The following ABCA12 variants were observed in gnomAD, a reference collection of about 807,000 sequenced individuals.
The protein encoded by ABCA12 is glucosylceramide transporter ABCA12.
Under a neutral mutation model 293.5 loss-of-function variants are expected in ABCA12, and 156 were observed. The ratio of observed to expected loss-of-function variants is 0.53; its 90% CI spans 0.47 to 0.61. The LOEUF is 0.61. Ranked by LOEUF, ABCA12 falls within the 20% of genes least tolerant of loss-of-function variation. The probability of loss-of-function intolerance (pLI) is 0.00; values close to 1 mark genes in which losing one functional copy is unlikely to be tolerated. For missense variants in ABCA12, 2,797 were observed against 3,090.2 expected (o/e 0.91, Z 2.25); for synonymous variants, 1,063 against 1,108.0 (o/e 0.96, Z 0.81).
At chr2:215,006,663 T>A (rs1358860081) in intron 19 of ABCA12, among the ~76,000 whole-genome samples, 2 of 152,068 alleles carry the variant, frequency 1.3e-5, no homozygotes, top group Admixed American at 6.5e-5. Context: ...CCCAAAAATA[T>A]TTTAGGGCTC....
chr2:215,096,186 T>C (rs1702246910), intron 2 of ABCA12, among the ~76,000 whole-genome samples: 1 of 152,204 alleles, frequency 6.6e-6, no homozygotes, highest in African/African-American at 2.4e-5. Flanking sequence ...TTTTGTGTGA[T>C]ACCACAAATT....
chr2:214,982,062 T>C (rs1234543165), intron 30 of ABCA12, 125 bp downstream of exon 30: 1 of 937,776 alleles, frequency 1.1e-6, no homozygotes, highest in East Asian at 2.6e-5. Flanking sequence ...TCCTCCTGTC[T>C]TGGCCTCCCA....
At chr2:215,109,625 T>C (rs940125109) in intron 2 of ABCA12, among the ~76,000 whole-genome samples, 12 of 152,334 alleles carry the variant, frequency 7.9e-5, no homozygotes, top group Non-Finnish European at 1.0e-4. Context: ...ACAATGTTTT[T>C]TCAGAGCCCT....
rs1184779327 is a variant in ABCA12 at position 215,012,173 on chromosome 2, A to ATTG, written c.1957-39_1957-38insCAA. 6.3e-6 allele frequency: 10 copies of ATTG among 1,596,994 alleles called. No individual in the cohort carries two copies. The Admixed American group carries it at 1.2e-4, about 19-fold the overall frequency. ...GAATAAAAATAAATGCTTTATGTGG[A>ATTG]AAAATTGAATCCTCATGCATTGTTG... On this transcript the variant is annotated intron_variant, in intron 15 of 52. Transcript: ENST00000272895.
rs1559216646 is a variant in ABCA12 at position 215,138,334 on chromosome 2, A to C, written c.-126T>G. ...CCCCTTTCACGGCATAGCTTCCTTGAGGGCTGGGGTAAGAAACCCACAGTT... is the reference window on the plus strand; with the variant it reads ...CCCCTTTCACGGCATAGCTTCCTTGCGGGCTGGGGTAAGAAACCCACAGTT... On this transcript the variant is annotated 5_prime_UTR_variant, in exon 1 of 53. Transcript: ENST00000272895. 1 of 1,013,518 alleles carries C rather than the reference A, an allele frequency of 9.9e-7. No homozygotes were observed. The highest frequency in any genetic ancestry group is 1.6e-6 in the Non-Finnish European group (1 of 640,144). The allele number at this position is 1,013,518 out of a possible 1,614,324, so 62.8% of individuals were successfully genotyped here. A position where few individuals can be genotyped will look rare whatever the true frequency, so the allele number is the denominator to read the frequency against.
intron 23 of ABCA12, among the ~76,000 whole-genome samples, chr2:214,996,488 G>A (rs1700035780): frequency 6.6e-6 from 1 of 152,130 alleles, no homozygotes; most frequent in Admixed American, 6.6e-5. Flanking sequence ...CTGGGAACCT[G>A]AAAGATAACT....
intron 43 of ABCA12, 143 bp from the exon 44 acceptor site, chr2:214,954,250 T>G: frequency 3.6e-6 from 3 of 833,582 alleles, no homozygotes; most frequent in Non-Finnish European, 5.6e-6. Context: ...AGGCTGAATT[T>G]GCATACAAAT....
intron 1 of ABCA12, among the ~76,000 whole-genome samples, chr2:215,119,565 C>A (rs1326708673): frequency 3.3e-5 from 5 of 151,834 alleles, no homozygotes; most frequent in Admixed American, 2.0e-4. Flanking sequence ...ATAGGGAGTC[C>A]TATCCCCCAT....
chr2:215,107,271 C>G (rs539976064), intron 2 of ABCA12, among the ~76,000 whole-genome samples: 3 of 152,190 alleles, frequency 2.0e-5, no homozygotes, highest in Non-Finnish European at 4.4e-5. Flanking sequence ...CACATTACAG[C>G]TTGGCTTAGT....
rs766391032 is a variant in ABCA12, at chr2:215,025,732, G to C, written c.1228C>G (p.Leu410Val). 4 of 1,612,668 alleles carry C rather than the reference G, an allele frequency of 2.5e-6. No individual in the cohort carries two copies. In the Admixed American group the frequency reaches 6.7e-5, roughly 27 times the overall value. The change falls in exon 11 of 53, where the codon CTT (leucine) becomes GTT (valine). Residue 410 changes from leucine (L) to valine (V), a missense_variant. Leu to Val is a conservative substitution (Grantham distance 32, BLOSUM62 1). Coordinates refer to ENST00000272895, the MANE Select transcript of ABCA12 (RefSeq NM_173076.3). ...QSTIRFKKSF[L>V]RNGSYEDYFP... ...TAATCTTCATAGGAACCATTGCGAAGAAAAGATTTTTTAAATCGTATTGTG... is the reference window on the plus strand; with the variant it reads ...TAATCTTCATAGGAACCATTGCGAACAAAAGATTTTTTAAATCGTATTGTG...
At chr2:214,965,266 A>T (rs1205071323) in intron 39 of ABCA12, among the ~76,000 whole-genome samples, 4 of 152,238 alleles carry the variant, frequency 2.6e-5, no homozygotes, top group Non-Finnish European at 2.9e-5. Flanking sequence ...ACCCAAAACT[A>T]TAAAAACCCT....
At chr2:215,132,081 TC>T (rs2105918465) in intron 1 of ABCA12, among the ~76,000 whole-genome samples, 1 of 152,188 alleles carries the variant, frequency 6.6e-6, no homozygotes, top group South Asian at 2.1e-4. Context: ...CCAATCTTAC[TC>T]CACTGTGGTC....
At chr2:215,036,811 C>T (rs941685242) in intron 8 of ABCA12, 142 bp downstream of exon 8, 15 of 752,894 alleles carry the variant, frequency 2.0e-5, no homozygotes, top group African/African-American at 1.6e-4. Flanking sequence ...TTGATTAACT[C>T]GAGATCCAGA....
intron 2 of ABCA12, among the ~76,000 whole-genome samples, chr2:215,106,641 T>C (rs1288299781): frequency 6.6e-6 from 1 of 151,856 alleles, no homozygotes; most frequent in East Asian, 1.9e-4. Flanking sequence ...AACTAAGGCA[T>C]GCAAAGTACT....
intron 2 of ABCA12, among the ~76,000 whole-genome samples, chr2:215,106,945 G>A (rs771663435): frequency 3.3e-5 from 5 of 152,140 alleles, no homozygotes; most frequent in Admixed American, 6.5e-5. Flanking sequence ...TTTCTTATCC[G>A]CAGAGGGCCC....
In ABCA12 at chr2:214,949,122, C is replaced by G; in HGVS notation, c.6880G>C (p.Ala2294Pro). Reference sequence around the variant, plus strand: ...ATCTTGAATATAGTGGTCTTTCCTGCTCCATTCACTCCAAGAAGCCCAAAA... The same window carrying G: ...ATCTTGAATATAGTGGTCTTTCCTGGTCCATTCACTCCAAGAAGCCCAAAA... ...ECFGLLGVNG[A>P]GKTTIFKMLT... The change falls in exon 46 of 53, where the codon GCA becomes CCA. Residue 2294 changes from alanine to proline, a missense_variant. By Grantham distance (27) the Ala-to-Pro change is conservative (BLOSUM62 -1). Coordinates refer to ENST00000272895, the MANE Select transcript of ABCA12 (RefSeq NM_173076.3). 4.3e-6 allele frequency: 7 copies of G among 1,613,640 alleles called. No homozygotes were observed. The highest frequency in any genetic ancestry group is 5.9e-6 in the Non-Finnish European group (7 of 1,179,854).
intron 23 of ABCA12, among the ~76,000 whole-genome samples, chr2:214,991,430 A>G (rs535337077): frequency 6.6e-5 from 10 of 152,204 alleles, no homozygotes; most frequent in African/African-American, 2.2e-4. Flanking sequence ...GTAAAAAACC[A>G]TGGCTTAACT....
chr2:215,058,622 C>T (rs1701468479), intron 3 of ABCA12, among the ~76,000 whole-genome samples: 1 of 151,950 alleles, frequency 6.6e-6, no homozygotes, highest in Non-Finnish European at 1.5e-5. Context: ...TCTGGGTGAA[C>T]CAACAAAACC....
intron 37 of ABCA12, 78 bp downstream of exon 37, chr2:214,970,195 G>T: frequency 7.3e-7 from 1 of 1,373,174 alleles, no homozygotes; most frequent in African/African-American, 1.5e-5. Context: ...ATAGAAATTT[G>T]TATCTATTGT....
Sources: allele counts gnomAD v4.1 joint callset (sites outside exome capture counted in the v4.1 genomes callset), GRCh38; gene constraint gnomAD v4.1.1; transcripts MANE v1.5; gene names NCBI Gene and HGNC (gene_info 2026-07-23, HGNC 2026-07-21).